The following TENM1 variants were observed in gnomAD, a reference collection of about 807,000 sequenced individuals.
TENM1 encodes teneurin-1.
In TENM1, 35 loss-of-function variants were observed where a neutral mutation model predicts 174.8. The observed-to-expected ratio is 0.20, with a 90% confidence interval of 0.15 to 0.27. The LOEUF (loss-of-function observed/expected upper bound fraction) is 0.27, where lower values mean the gene tolerates loss of function less well. TENM1 is among the 10% of genes least tolerant of loss of function. TENM1 has a pLI of 1.00. For missense variants in TENM1, 1,633 were observed against 2,130.1 expected (o/e 0.77, Z 4.59); for synonymous variants, 781 against 798.7 (o/e 0.98, Z 0.37).
chrX:125,101,059 A>G, the TENM1 span, among the ~76,000 whole-genome samples: 2 of 111,515 alleles, frequency 1.8e-5, no homozygotes, highest in African/African-American at 6.5e-5. Flanking sequence ...AATCCAGGTA[A>G]TGGTACCTAA....
the TENM1 span, among the ~76,000 whole-genome samples, chrX:125,015,145 G>C: frequency 9.0e-6 from 1 of 111,725 alleles, no homozygotes. Flanking sequence ...AGAGCAGGCT[G>C]TCAGCAGATT....
chrX:124,991,028 G>A, the TENM1 span, among the ~76,000 whole-genome samples: 6 of 111,629 alleles, frequency 5.4e-5, no homozygotes, highest in East Asian at 2.8e-4. Context: ...GAAGAATTAG[G>A]TGCCTGAAGA....
intron 3 of TENM1, among the ~76,000 whole-genome samples, chrX:124,846,171 G>A (rs1489871333): frequency 9.1e-6 from 1 of 110,209 alleles, no homozygotes; most frequent in Non-Finnish European, 1.9e-5. Context: ...GTCCTGCTAG[G>A]AAATTGCTGA....
At chrX:124,802,257 T>C (rs1227435933) in intron 3 of TENM1, among the ~76,000 whole-genome samples, 1 of 111,952 alleles carries the variant, frequency 8.9e-6, no homozygotes, top group African/African-American at 3.2e-5. Context: ...TTGTCTAGTA[T>C]CCATCTTTGA....
At chrX:124,803,596 A>T (rs1478654115) in intron 3 of TENM1, among the ~76,000 whole-genome samples, 1 of 112,086 alleles carries the variant, frequency 8.9e-6, no homozygotes, top group Admixed American at 9.5e-5. Flanking sequence ...AACAATACTT[A>T]CCTAGTTGTA....
the TENM1 span, chrX:125,204,290 C>G: frequency 1.8e-5 from 2 of 112,017 alleles, no homozygotes; most frequent in Non-Finnish European, 3.8e-5. Context: ...CTGATGTTGC[C>G]GTGGCCGCCG....
chrX:124,587,822 A>T (rs1222008035), intron 11 of TENM1, among the ~76,000 whole-genome samples: 3 of 111,385 alleles, frequency 2.7e-5, no homozygotes, highest in Non-Finnish European at 5.7e-5. Context: ...GAATCTACAA[A>T]GAACTCAAAC....
chrX:124,840,818 G>C (rs1432188771), intron 3 of TENM1, among the ~76,000 whole-genome samples: 3 of 111,560 alleles, frequency 2.7e-5, no homozygotes, highest in Non-Finnish European at 5.7e-5. Flanking sequence ...GTTTGCCAAA[G>C]AAAAGCTTAA....
rs1257692658 is a variant in TENM1, at chrX:124,396,304, C to CTTT, written c.5392-3959_5392-3957dup. Among the ~76,000 whole-genome samples, 3 of 70,442 alleles carry CTTT rather than the reference C, an allele frequency of 4.3e-5. 1 individual carries two copies. Among genetic ancestry groups the CTTT allele is most frequent in the East Asian group, 4.1e-4 (1 of 2,435 alleles). The allele number at this position is 70,442 out of a possible 115,157, so 61.2% of individuals were successfully genotyped here. ...CTTTTCCAGCTGAGCCTCTCCCAAC[C>CTTT]TTTTTTTTTTTTTTCGAGCCGGAGT... is the stretch of plus-strand genomic sequence containing the variant. On this transcript the variant is annotated intron_variant, in intron 27 of 31. Transcript: ENST00000422452.
chrX:124,865,525 A>G (rs370830972), intron 3 of TENM1, among the ~76,000 whole-genome samples: 3 of 112,166 alleles, frequency 2.7e-5, no homozygotes, highest in African/African-American at 9.7e-5. Context: ...TGAATACACA[A>G]AAAATGAAAA....
At chrX:124,465,500 T>C in intron 22 of TENM1, among the ~76,000 whole-genome samples, 1 of 111,667 alleles carries the variant, frequency 9.0e-6, no homozygotes, top group East Asian at 2.8e-4. Flanking sequence ...GATCCTCCTA[T>C]CTTGACCTCC....
chrX:125,156,710 C>T, the TENM1 span, among the ~76,000 whole-genome samples: 2 of 111,881 alleles, frequency 1.8e-5, no homozygotes, highest in Non-Finnish European at 3.8e-5. Flanking sequence ...AATAGTGCTG[C>T]AATGAACATA....
chrX:124,644,190 T>C lies in TENM1; in HGVS notation c.1876+953A>G, dbSNP rs757474609. ...TATGGCATATATATATATAGACATA[T>C]ATATATAAATTTACATATACATATA... On this transcript the variant is annotated intron_variant, in intron 10 of 31. Coordinates refer to ENST00000422452, the Ensembl canonical transcript of TENM1. Among the ~76,000 whole-genome samples, 6 of 101,651 alleles carry C rather than the reference T, an allele frequency of 5.9e-5. No individual in the cohort carries two copies. The East Asian group carries it at 1.2e-3, about 20-fold the overall frequency. The allele number at this position is 101,651 out of a possible 115,157, so 88.3% of individuals were successfully genotyped here.
the TENM1 span, among the ~76,000 whole-genome samples, chrX:125,042,065 T>C: frequency 3.0e-4 from 34 of 112,037 alleles, no homozygotes; most frequent in Non-Finnish European, 5.3e-4. Context: ...AAACCTCTCA[T>C]ATCTGAATAT....
Position 124,546,866 on chromosome X carries a change from A to T in TENM1, c.2651+8T>A, listed in dbSNP as rs367894299. ...GTTCACTAAGGAATAAAATAAATACATATGTACCTGCTGTCAAATGACACC... is the reference window on the plus strand; with the variant it reads ...GTTCACTAAGGAATAAAATAAATACTTATGTACCTGCTGTCAAATGACACC... On this transcript the variant is annotated splice_region_variant and intron_variant, in intron 15 of 31. Transcript: ENST00000422452. 1 of 1,174,331 alleles carries T rather than the reference A, an allele frequency of 8.5e-7. No homozygotes were observed. The highest frequency in any genetic ancestry group is 1.8e-5 in the African/African-American group (1 of 56,590).
intron 28 of TENM1, among the ~76,000 whole-genome samples, chrX:124,389,040 T>C (rs1187843149): frequency 1.8e-5 from 2 of 112,264 alleles, no homozygotes; most frequent in African/African-American, 6.5e-5. Flanking sequence ...GTCTCATAAA[T>C]CAAGACAGAG....
the TENM1 span, among the ~76,000 whole-genome samples, chrX:125,113,426 C>T: frequency 9.0e-6 from 1 of 110,870 alleles, no homozygotes; most frequent in Non-Finnish European, 1.9e-5. Context: ...TTATACCAGT[C>T]AGAATGGTTA....
At chrX:125,167,227 C>T in the TENM1 span, among the ~76,000 whole-genome samples, 1 of 111,745 alleles carries the variant, frequency 8.9e-6, no homozygotes, top group African/African-American at 3.2e-5. Flanking sequence ...TAAATGTTCA[C>T]ATCATTACAA....
chrX:124,543,925 A>G (rs1307347637), intron 15 of TENM1, among the ~76,000 whole-genome samples: 1 of 112,448 alleles, frequency 8.9e-6, no homozygotes, highest in Non-Finnish European at 1.9e-5. Context: ...AAGGATAAAC[A>G]ATTTTTTAGC....
Sources: allele counts gnomAD v4.1 joint callset (sites outside exome capture counted in the v4.1 genomes callset), GRCh38; gene constraint gnomAD v4.1.1; transcripts MANE v1.5; gene names NCBI Gene and HGNC (gene_info 2026-07-23, HGNC 2026-07-21).